The following DDX10 variants were observed in gnomAD, a reference collection of about 807,000 sequenced individuals.
DDX10 encodes the protein DEAD-box helicase 10, also known as probable ATP-dependent RNA helicase DDX10.
In DDX10, 74 loss-of-function variants were observed where a neutral mutation model predicts 104.3. The ratio of observed to expected loss-of-function variants is 0.71; its 90% CI spans 0.59 to 0.86. DDX10 has a LOEUF of 0.86. DDX10 is among the 40% of genes least tolerant of loss of function. The pLI is 0.00. For synonymous variants in DDX10, 351 were observed against 353.4 expected (o/e 0.99, Z 0.08); for missense variants, 952 against 1,040.0 (o/e 0.92, Z 1.16).
intron 16 of DDX10, among the ~76,000 whole-genome samples, chr11:108,903,999 T>C (rs1184195806): frequency 6.6e-6 from 1 of 152,190 alleles, no homozygotes; most frequent in Admixed American, 6.5e-5. Flanking sequence ...ATTTCCTATT[T>C]TCCAAAGCAA....
intron 9 of DDX10, 74 bp from the exon 10 acceptor site, chr11:108,706,665 C>T: frequency 4.4e-6 from 5 of 1,146,788 alleles, no homozygotes; most frequent in Non-Finnish European, 6.6e-6. Context: ...CCATGTTTAC[C>T]TATGCATCAC....
chr11:108,891,027 C>T (rs1005181575), intron 16 of DDX10, among the ~76,000 whole-genome samples: 2 of 152,086 alleles, frequency 1.3e-5, no homozygotes, highest in African/African-American at 4.8e-5. Flanking sequence ...ACTATCTTTC[C>T]ATCTACCACT....
intron 16 of DDX10, among the ~76,000 whole-genome samples, chr11:108,915,744 G>A (rs1863739439): frequency 6.6e-6 from 1 of 151,886 alleles, no homozygotes; most frequent in Non-Finnish European, 1.5e-5. Context: ...ACACATCAAC[G>A]TTTGTTATGG....
At chr11:108,868,941 C>T (rs1863043203) in intron 16 of DDX10, among the ~76,000 whole-genome samples, 1 of 149,188 alleles carries the variant, frequency 6.7e-6, no homozygotes, top group Non-Finnish European at 1.5e-5. Context: ...AGAGGTAAAT[C>T]CCCTAGCCAC....
intron 9 of DDX10, among the ~76,000 whole-genome samples, chr11:108,698,165 A>C (rs1344202657): frequency 6.6e-6 from 1 of 152,226 alleles, no homozygotes; most frequent in Non-Finnish European, 1.5e-5. Flanking sequence ...ACTTCTGAAG[A>C]GTTCATGGCT....
intron 2 of DDX10, 44 bp downstream of exon 2, chr11:108,673,571 C>T (rs780401718): frequency 7.1e-7 from 1 of 1,408,732 alleles, no homozygotes; most frequent in South Asian, 1.2e-5. Context: ...GATTTCTTGG[C>T]ATTTTTGATA....
rs1443315929 is a variant in DDX10, at chr11:108,670,638, G to T, written c.187-2829G>T. ...TATTTCTAAGGGGTGGTGTGTGTTG[G>T]AGGGGCTGCTGGAAAACTGGGGATT... On this transcript the variant is annotated intron_variant, in intron 1 of 17. Transcript: ENST00000322536. Among the ~76,000 whole-genome samples, 4 of 151,462 alleles carry T rather than the reference G, an allele frequency of 2.6e-5. No homozygotes were observed. The East Asian group carries it at 7.7e-4, about 29-fold the overall frequency.
intron 13 of DDX10, among the ~76,000 whole-genome samples, chr11:108,757,444 CTTCTA>C (rs1474537425): frequency 6.6e-6 from 1 of 151,998 alleles, no homozygotes; most frequent in African/African-American, 2.4e-5. Flanking sequence ...ACATGTCACA[CTTCTA>C]TTTATTATGA....
intron 16 of DDX10, among the ~76,000 whole-genome samples, chr11:108,897,557 G>A (rs536013627): frequency 6.6e-6 from 1 of 152,280 alleles, no homozygotes; most frequent in East Asian, 1.9e-4. Flanking sequence ...AGGCCGCCAA[G>A]GTGAGAGTGT....
At chr11:108,830,286 T>A (rs1240092546) in intron 13 of DDX10, among the ~76,000 whole-genome samples, 3 of 152,184 alleles carry the variant, frequency 2.0e-5, no homozygotes, top group Non-Finnish European at 4.4e-5. Context: ...CTTGTTTAGG[T>A]ATATTTCTAA....
rs189290626 is a variant in DDX10, at chr11:108,881,920, C to T, written c.2304+29711C>T. Among the ~76,000 whole-genome samples the T allele has an allele frequency of 8.9e-4, 135 of 151,858 alleles. 1 individual carries two copies. Among genetic ancestry groups the T allele is most frequent in the African/African-American group, 3.2e-3 (132 of 41,456 alleles). On this transcript the variant is annotated intron_variant, in intron 16 of 17. Transcript: ENST00000322536. Reference sequence around the variant, plus strand: ...ATTTAATTAAAAAAATTTTTTTTGCCACCACTCTATATGGTGCTGACCAAT... The same window carrying T: ...ATTTAATTAAAAAAATTTTTTTTGCTACCACTCTATATGGTGCTGACCAAT...
intron 15 of DDX10, among the ~76,000 whole-genome samples, chr11:108,851,820 A>T (rs1184360019): frequency 6.6e-6 from 1 of 152,186 alleles, no homozygotes; most frequent in Non-Finnish European, 1.5e-5. Context: ...TTGTTTCTAG[A>T]AATTCCAAGT....
chr11:108,900,445 A>C (rs767885692), intron 16 of DDX10, among the ~76,000 whole-genome samples: 2 of 152,196 alleles, frequency 1.3e-5, no homozygotes, highest in African/African-American at 2.4e-5. Context: ...TAAAATACTT[A>C]AAGTCCTCTG....
chr11:108,920,530 C>T (rs926225084), intron 17 of DDX10: 1 of 152,156 alleles, frequency 6.6e-6, no homozygotes, highest in Non-Finnish European at 1.5e-5. Context: ...ATCTTATAGC[C>T]TCCTTCTAGA....
At chr11:108,709,135 G>T (rs2094280624) in intron 10 of DDX10, among the ~76,000 whole-genome samples, 2 of 152,228 alleles carry the variant, frequency 1.3e-5, no homozygotes, top group Non-Finnish European at 2.9e-5. Context: ...TTGGACAGCA[G>T]TGGTGAGAGG....
intron 13 of DDX10, among the ~76,000 whole-genome samples, chr11:108,828,604 AC>A (rs746912811): frequency 6.6e-5 from 10 of 151,922 alleles, no homozygotes; most frequent in Admixed American, 1.3e-4. Flanking sequence ...GAAACTCTAT[AC>A]CTGTTAGGTG....
In DDX10 at chr11:108,849,688, T is replaced by A. The variant is rs1214851487; in HGVS notation, c.2248-2465T>A. 6.6e-5 allele frequency among the ~76,000 whole-genome samples: 10 copies of A among 152,226 alleles called. No individual in the cohort carries two copies. In the East Asian group the frequency reaches 1.9e-3, roughly 29 times the overall value. The stretch of plus-strand genomic sequence containing the variant: ...ACTAAAGATAACATTTTGCCTTCTT[T>A]TTTTGTAGCATAAAATAGTTTTTGG... On this transcript the variant is annotated intron_variant, in intron 15 of 17. Coordinates refer to ENST00000322536, the MANE Select transcript of DDX10 (RefSeq NM_004398.4).
At chr11:108,695,773 GT>G (rs1217185101) in intron 9 of DDX10, among the ~76,000 whole-genome samples, 2 of 132,066 alleles carry the variant, frequency 1.5e-5, no homozygotes, top group South Asian at 2.5e-4. Flanking sequence ...TTTTTTTTTT[GT>G]TTTTTTTGAT....
At chr11:108,676,809 T>C (rs2134438741) in intron 3 of DDX10, among the ~76,000 whole-genome samples, 1 of 152,300 alleles carries the variant, frequency 6.6e-6, no homozygotes, top group African/African-American at 2.4e-5. Flanking sequence ...TAAAGGTCTT[T>C]GGGTTGTACA....
Sources: gnomAD v4.1 joint callset for allele counts (sites outside exome capture counted in the v4.1 genomes callset) on GRCh38, gnomAD v4.1.1 for gene constraint, MANE v1.5 for transcripts, NCBI Gene and HGNC (gene_info 2026-07-23, HGNC 2026-07-21) for gene names.